Variants in SLC9A9 observed in about 807,000 individuals in gnomAD.
SLC9A9 encodes the protein sodium/hydrogen exchanger 9.
In SLC9A9, 62 loss-of-function variants were observed where a neutral mutation model predicts 77.8. That is an observed-to-expected ratio of 0.80 (90% CI 0.65 to 0.98). SLC9A9 has a LOEUF of 0.98. Ranked by LOEUF, SLC9A9 falls within the 50% of genes least tolerant of loss-of-function variation. SLC9A9 has a pLI of 0.00. For synonymous variants in SLC9A9, 320 were observed against 283.5 expected, an observed-to-expected ratio of 1.13 and a Z score of -1.29; for missense variants, 775 against 774.9, an observed-to-expected ratio of 1.00 and a Z score of 0.00.
In SLC9A9 at chr3:143,668,368, T is replaced by C. The variant is rs141647638; in HGVS notation, c.650-16008A>G. On this transcript the variant is annotated intron_variant, in intron 5 of 15. Coordinates refer to ENST00000316549, the MANE Select transcript of SLC9A9 (RefSeq NM_173653.4). ...AGGGGGGAGGGATAGCATTAGGAGATATACCTAATGTAAATGACGAGTTAA... is the reference window on the plus strand; with the variant it reads ...AGGGGGGAGGGATAGCATTAGGAGACATACCTAATGTAAATGACGAGTTAA... Among the ~76,000 whole-genome samples the C allele has an allele frequency of 4.7e-3, 694 of 147,466 alleles. 4 individuals are homozygous for C. The highest frequency in any genetic ancestry group is 0.014 in the African/African-American group (570 of 40,460).
intron 6 of SLC9A9, among the ~76,000 whole-genome samples, chr3:143,583,418 A>C (rs537340238): frequency 1.3e-5 from 2 of 152,312 alleles, no homozygotes; most frequent in African/African-American, 4.8e-5. Context: ...ACTTTCACAG[A>C]CATTATTGAG....
chr3:143,498,854 A>C (rs2035883998), intron 9 of SLC9A9, among the ~76,000 whole-genome samples: 1 of 152,182 alleles, frequency 6.6e-6, no homozygotes, highest in Non-Finnish European at 1.5e-5. Flanking sequence ...TGACTCAGCA[A>C]TATGTTTGTG....
rs370864409 is a variant in SLC9A9, at chr3:143,726,419, C to G, written c.534-33112G>C. ...TATAAGTTTGTTGGAATGCCTCTAACTGTACACTTAAAATGGGTATCTTCT... is the reference window on the plus strand; with the variant it reads ...TATAAGTTTGTTGGAATGCCTCTAAGTGTACACTTAAAATGGGTATCTTCT... On this transcript the variant is annotated intron_variant, in intron 4 of 15. Transcript: ENST00000316549. Among the ~76,000 whole-genome samples, 96 of 152,218 alleles carry G rather than the reference C, an allele frequency of 6.3e-4. 1 individual carries two copies. The highest frequency in any genetic ancestry group is 1.7e-3 in the South Asian group (8 of 4,814).
intron 12 of SLC9A9, among the ~76,000 whole-genome samples, chr3:143,386,723 A>T (rs1481635441): frequency 6.6e-6 from 1 of 152,142 alleles, no homozygotes; most frequent in Non-Finnish European, 1.5e-5. Context: ...ATATATAGCA[A>T]CCACCACAAT....
At chr3:143,281,661 G>A (rs1389759361) in intron 14 of SLC9A9, among the ~76,000 whole-genome samples, 1 of 152,168 alleles carries the variant, frequency 6.6e-6, no homozygotes, top group Non-Finnish European at 1.5e-5. Flanking sequence ...AAAACTGAGT[G>A]GTGGACTTTA....
At chr3:143,333,492 C>T (rs2031835726) in intron 14 of SLC9A9, among the ~76,000 whole-genome samples, 1 of 152,206 alleles carries the variant, frequency 6.6e-6, no homozygotes, top group Admixed American at 6.5e-5. Context: ...AGGCAGCTCT[C>T]ATAGCCAGCA....
intron 14 of SLC9A9, among the ~76,000 whole-genome samples, chr3:143,320,872 A>G (rs1427435435): frequency 6.6e-6 from 1 of 152,304 alleles, no homozygotes; most frequent in Non-Finnish European, 1.5e-5. Flanking sequence ...CCTAACTCCA[A>G]TATAACTGGG....
In SLC9A9 at chr3:143,356,939, A is replaced by G. The variant is rs369834715; in HGVS notation, c.1604+6545T>C. Among the ~76,000 whole-genome samples, 3 of 152,304 alleles carry G rather than the reference A, an allele frequency of 2.0e-5. No homozygotes were observed. The East Asian group carries it at 5.8e-4, about 29-fold the overall frequency. ...AAGCCAACCTAAATACCCCAAAATAATAATAGTATTCTAGGTGTTATTAAC... is the reference window on the plus strand; with the variant it reads ...AAGCCAACCTAAATACCCCAAAATAGTAATAGTATTCTAGGTGTTATTAAC... On this transcript the variant is annotated intron_variant, in intron 14 of 15. Coordinates refer to ENST00000316549, the MANE Select transcript of SLC9A9 (RefSeq NM_173653.4).
At chr3:143,335,300 C>T (rs1216627844) in intron 14 of SLC9A9, among the ~76,000 whole-genome samples, 6 of 152,034 alleles carry the variant, frequency 3.9e-5, no homozygotes. Context: ...ATAGACATTC[C>T]ATGTTTATGG....
chr3:143,645,732 AT>A (rs1195410002), intron 6 of SLC9A9, among the ~76,000 whole-genome samples: 1 of 152,190 alleles, frequency 6.6e-6, no homozygotes, highest in African/African-American at 2.4e-5. Flanking sequence ...TCTCTGCAGC[AT>A]AACAGTCTCA....
At chr3:143,763,046 T>C (rs1411878055) in intron 4 of SLC9A9, among the ~76,000 whole-genome samples, 1 of 152,140 alleles carries the variant, frequency 6.6e-6, no homozygotes, top group Non-Finnish European at 1.5e-5. Flanking sequence ...GATGGAACTA[T>C]TGGCCATAAG....
chr3:143,625,635 A>T (rs970014113), intron 6 of SLC9A9, among the ~76,000 whole-genome samples: 1 of 152,238 alleles, frequency 6.6e-6, no homozygotes. Context: ...TAAAGACTTA[A>T]ATGTTAGACC....
intron 6 of SLC9A9, among the ~76,000 whole-genome samples, chr3:143,644,653 C>G (rs930368788): frequency 6.6e-5 from 10 of 152,110 alleles, no homozygotes; most frequent in Non-Finnish European, 1.3e-4. Context: ...TTTAAAGATC[C>G]CAGGGTGGCC....
At chr3:143,301,801 C>T (rs1297711299) in intron 14 of SLC9A9, among the ~76,000 whole-genome samples, 1 of 152,158 alleles carries the variant, frequency 6.6e-6, no homozygotes, top group African/African-American at 2.4e-5. Context: ...TTAGTGTCTT[C>T]CCAACCACAT....
chr3:143,515,074 T>C (rs1468105295), intron 9 of SLC9A9, among the ~76,000 whole-genome samples: 1 of 152,158 alleles, frequency 6.6e-6, no homozygotes, highest in Non-Finnish European at 1.5e-5. Context: ...CAGAGGCTAT[T>C]TTAAGGTGAT....
At chr3:143,731,700 C>T (rs1934807274) in intron 4 of SLC9A9, among the ~76,000 whole-genome samples, 1 of 152,188 alleles carries the variant, frequency 6.6e-6, no homozygotes, top group African/African-American at 2.4e-5. Flanking sequence ...CAGGATATGT[C>T]CTGAAGGTCA....
At chr3:143,683,585 C>T (rs1315709722) in intron 5 of SLC9A9, among the ~76,000 whole-genome samples, 2 of 152,004 alleles carry the variant, frequency 1.3e-5, no homozygotes, top group African/African-American at 4.8e-5. Flanking sequence ...TAGATAATAC[C>T]AATGGATTAT....
At chr3:143,417,584 G>A (rs1404187621) in intron 12 of SLC9A9, among the ~76,000 whole-genome samples, 1 of 151,558 alleles carries the variant, frequency 6.6e-6, no homozygotes, top group Non-Finnish European at 1.5e-5. Context: ...GAGAGAGAGG[G>A]AGAGATCAGC....
intron 2 of SLC9A9, among the ~76,000 whole-genome samples, chr3:143,816,879 T>C (rs1477535046): frequency 6.6e-6 from 1 of 152,240 alleles, no homozygotes; most frequent in African/African-American, 2.4e-5. Flanking sequence ...ATCATTATCT[T>C]AAAGTTTTTC....
Sources: gnomAD v4.1 joint callset for allele counts (sites outside exome capture counted in the v4.1 genomes callset) on GRCh38, gnomAD v4.1.1 for gene constraint, MANE v1.5 for transcripts, NCBI Gene and HGNC (gene_info 2026-07-23, HGNC 2026-07-21) for gene names.